MYO1D: variants seen among roughly 807,000 people sequenced by gnomAD.
MYO1D encodes the protein unconventional myosin-Id.
In MYO1D, 83 loss-of-function variants were observed where a neutral mutation model predicts 122.0. The ratio of observed to expected loss-of-function variants is 0.68; its 90% CI spans 0.57 to 0.82. The LOEUF is 0.82. Among genes scored for constraint, MYO1D ranks in the 40% least tolerant of loss-of-function variants. The pLI is 0.00. For synonymous variants in MYO1D, 464 were observed against 446.9 expected (o/e 1.04, Z -0.48); for missense variants, 1,157 against 1,269.5 (o/e 0.91, Z 1.35).
intron 1 of MYO1D, among the ~76,000 whole-genome samples, chr17:32,787,990 CAT>C (rs2090314729): frequency 6.6e-6 from 1 of 152,122 alleles, no homozygotes; most frequent in Non-Finnish European, 1.5e-5. Context: ...TTTATCCACT[CAT>C]TGGTTCATGG....
rs547481785 is a variant in MYO1D at position 32,720,932 on chromosome 17, T to C, written c.1913+91A>G. On this transcript the variant is annotated intron_variant, in intron 15 of 21. Transcript: ENST00000318217. ...CTTTTGTTCACCCAACAAATATTTA[T>C]AGATTGCCTAATATGTGCTGATGCA... The C allele has an allele frequency of 7.1e-6, 9 of 1,270,146 alleles. No individual in the cohort carries two copies. In the African/African-American group the frequency reaches 9.2e-5, roughly 13 times the overall value. 78.7% of individuals were successfully genotyped at this position (1,270,146 alleles called of 1,614,324 possible).
chr17:32,693,942 T>C lies in MYO1D; in HGVS notation c.2121+18046A>G, dbSNP rs1332610355. Among the ~76,000 whole-genome samples the C allele has an allele frequency of 6.6e-5, 10 of 152,344 alleles. No individual in the cohort carries two copies. In the South Asian group the frequency reaches 1.5e-3, roughly 22 times the overall value. ...AGTTGTTGCTGAAGCATTTTTATTG[T>C]TCTAAAAGGGCTTTACATTTGCCAA... On this transcript the variant is annotated intron_variant, in intron 16 of 21. Transcript: ENST00000318217.
At chr17:32,542,556 T>C (rs1910868247) in intron 21 of MYO1D, among the ~76,000 whole-genome samples, 1 of 150,586 alleles carries the variant, frequency 6.6e-6, no homozygotes, top group South Asian at 2.1e-4. Flanking sequence ...AGCAGTATGC[T>C]GTTCACACCC....
intron 20 of MYO1D, among the ~76,000 whole-genome samples, chr17:32,607,139 AAC>A (rs1376789757): frequency 1.3e-5 from 2 of 152,040 alleles, no homozygotes; most frequent in Non-Finnish European, 2.9e-5. Flanking sequence ...CAGCCTGGGC[AAC>A]AGAGCGAGAC....
Position 32,723,405 on chromosome 17 carries a change from GT to G in MYO1D, c.1747-2217del, listed in dbSNP as rs1218935980. Reference sequence around the variant, plus strand: ...TAGGACACTTAGCTGATGTTAGAGAGTTGCTGTTGCTATGCAGAGGCCACTA... The same window carrying G: ...TAGGACACTTAGCTGATGTTAGAGAGTGCTGTTGCTATGCAGAGGCCACTA... On this transcript the variant is annotated intron_variant, in intron 14 of 21. Transcript: ENST00000318217. Among the ~76,000 whole-genome samples the G allele has an allele frequency of 2.6e-5, 4 of 152,154 alleles. No individual in the cohort carries two copies. In the East Asian group the frequency reaches 7.7e-4, roughly 29 times the overall value.
intron 20 of MYO1D, among the ~76,000 whole-genome samples, chr17:32,631,340 T>G (rs2088003180): frequency 6.6e-6 from 1 of 151,994 alleles, no homozygotes; most frequent in South Asian, 2.1e-4. Flanking sequence ...AAAAAACAGG[T>G]TTAAAAGGCA....
intron 20 of MYO1D, among the ~76,000 whole-genome samples, chr17:32,614,424 C>T (rs1431464843): frequency 6.6e-6 from 1 of 152,136 alleles, no homozygotes; most frequent in Non-Finnish European, 1.5e-5. Context: ...AGAGATAATG[C>T]TTATGTTCTT....
intron 21 of MYO1D, among the ~76,000 whole-genome samples, chr17:32,513,165 T>A (rs1320697281): frequency 6.6e-6 from 1 of 152,170 alleles, no homozygotes; most frequent in Non-Finnish European, 1.5e-5. Flanking sequence ...AGGTGCTTAA[T>A]AAAGAGCCAA....
intron 21 of MYO1D, among the ~76,000 whole-genome samples, chr17:32,506,426 G>A (rs1016083976): frequency 6.6e-6 from 1 of 152,018 alleles, no homozygotes; most frequent in African/African-American, 2.4e-5. Context: ...GCTCCCTTCA[G>A]GCAAGCACAG....
At chr17:32,584,531 C>T (rs1476223218) in intron 21 of MYO1D, among the ~76,000 whole-genome samples, 2 of 150,782 alleles carry the variant, frequency 1.3e-5, no homozygotes, top group Admixed American at 6.6e-5. Flanking sequence ...CAGGGTCTCA[C>T]ACTGTCATCC....
chr17:32,709,879 G>A (rs985644096), intron 16 of MYO1D, among the ~76,000 whole-genome samples: 4 of 151,910 alleles, frequency 2.6e-5, no homozygotes, highest in African/African-American at 9.7e-5. Context: ...ATTCACCCCA[G>A]CAACAAAAAT....
chr17:32,654,676 C>G, intron 17 of MYO1D, 55 bp from the exon 18 acceptor site: 5 of 1,430,150 alleles, frequency 3.5e-6, no homozygotes, highest in Non-Finnish European at 3.7e-6. Flanking sequence ...CCCATGCATT[C>G]TCTCTCTCTT....
intron 21 of MYO1D, among the ~76,000 whole-genome samples, chr17:32,597,284 C>T (rs1207710161): frequency 1.3e-5 from 2 of 152,164 alleles, no homozygotes; most frequent in African/African-American, 2.4e-5. Flanking sequence ...TCCCTTCTAC[C>T]TCTTTCTCCC....
intron 10 of MYO1D, chr17:32,759,810 A>T (rs2089981668): frequency 2.9e-6 from 1 of 350,656 alleles, no homozygotes; most frequent in Admixed American, 4.3e-5. Context: ...TACACAAGAA[A>T]ATGCAAAGTA....
chr17:32,798,982 T>G (rs1184231414), intron 1 of MYO1D, among the ~76,000 whole-genome samples: 1 of 152,188 alleles, frequency 6.6e-6, no homozygotes, highest in Non-Finnish European at 1.5e-5. Flanking sequence ...TTATTAAAAT[T>G]TCTAAGTATT....
chr17:32,760,690 G>A, intron 8 of MYO1D, 63 bp from the exon 9 acceptor site: 2 of 1,517,822 alleles, frequency 1.3e-6, no homozygotes, highest in South Asian at 2.5e-5. Flanking sequence ...GTTTGGATTT[G>A]TGATCAGTTT....
chr17:32,798,295 G>C (rs1206877905), intron 1 of MYO1D, among the ~76,000 whole-genome samples: 2 of 152,184 alleles, frequency 1.3e-5, no homozygotes, highest in African/African-American at 4.8e-5. Context: ...GGCTTTCCTC[G>C]TCAGAAGTCT....
chr17:32,497,456 C>CTAAA (rs761758747), intron 21 of MYO1D, among the ~76,000 whole-genome samples: 2 of 152,062 alleles, frequency 1.3e-5, no homozygotes, highest in African/African-American at 4.8e-5. Context: ...GACCTTGTCT[C>CTAAA]TAAATAAATA....
chr17:32,806,578 T>C (rs1054179474), intron 1 of MYO1D, among the ~76,000 whole-genome samples: 2 of 152,170 alleles, frequency 1.3e-5, no homozygotes, highest in African/African-American at 4.8e-5. Flanking sequence ...GGTCTCACTA[T>C]GTTACCCAGA....
Sources: gnomAD v4.1 joint callset for allele counts (sites outside exome capture counted in the v4.1 genomes callset) on GRCh38, gnomAD v4.1.1 for gene constraint, MANE v1.5 for transcripts, NCBI Gene and HGNC (gene_info 2026-07-23, HGNC 2026-07-21) for gene names.